Variants in SP1 observed in about 807,000 individuals in gnomAD.
SP1 encodes the protein transcription factor Sp1.
A neutral mutation model predicts 66.3 loss-of-function variants in SP1; 6 were observed. The ratio of observed to expected loss-of-function variants is 0.09; its 90% CI spans 0.05 to 0.18. SP1 has a LOEUF of 0.18. Among genes scored for constraint, SP1 ranks in the 10% least tolerant of loss-of-function variants. SP1 has a pLI of 1.00. For synonymous variants in SP1, 417 were observed against 360.8 expected, an observed-to-expected ratio of 1.16 and a Z score of -1.77; for missense variants, 848 against 964.5, an observed-to-expected ratio of 0.88 and a Z score of 1.60.
chr12:53,384,031 G>A (rs545686198), intron 3 of SP1, among the ~76,000 whole-genome samples: 162 of 150,548 alleles, frequency 1.1e-3, no homozygotes, highest in East Asian at 2.9e-3. Context: ...GTGCAGTGGC[G>A]CGATCTCGGC....
chr12:53,407,558 G>C (rs1285747999), intron 4 of SP1, among the ~76,000 whole-genome samples: 4 of 150,882 alleles, frequency 2.7e-5, no homozygotes, highest in Non-Finnish European at 4.4e-5. Context: ...TCTCCTGACT[G>C]TGTGATCTGC....
At chr12:53,405,367 G>A (rs968943220) in intron 3 of SP1, among the ~76,000 whole-genome samples, 5 of 152,036 alleles carry the variant, frequency 3.3e-5, no homozygotes, top group Non-Finnish European at 7.4e-5. Context: ...ATTTGTGTAT[G>A]AAAATGTCTC....
At chr12:53,406,850 A>C in intron 4 of SP1, 97 bp downstream of exon 4, 2 of 1,037,846 alleles carry the variant, frequency 1.9e-6, no homozygotes, top group Non-Finnish European at 2.7e-6. Flanking sequence ...TTTGAGACCG[A>C]GTCTGACTCT....
In SP1 at chr12:53,383,589, C is replaced by A. The variant is rs775957193; in HGVS notation, c.1642C>A (p.Gln548Lys). The A allele has an allele frequency of 6.2e-7, 1 of 1,611,926 alleles. No individual in the cohort carries two copies. Among genetic ancestry groups the A allele is most frequent in the Non-Finnish European group, 8.5e-7 (1 of 1,178,946 alleles). Residue 548 changes from glutamine to lysine, a missense_variant, in exon 3 of 6, where the codon CAA becomes AAA. By Grantham distance (53) the Gln-to-Lys change is moderately conservative. This residue lies in a region of SP1 where 606 missense variants were observed against 589.9 expected (regional missense o/e 1.03). Transcript: ENST00000327443. ...TTCAGGAATCCAGGTGCACCCAATTCAAGGCCTGCCGTTGGCTATAGCAAA... is the reference window on the plus strand; with the variant it reads ...TTCAGGAATCCAGGTGCACCCAATTAAAGGCCTGCCGTTGGCTATAGCAAA... ...GTSGIQVHPI[Q>K]GLPLAIANAP...
chr12:53,387,913 G>T (rs1398977922), intron 3 of SP1, among the ~76,000 whole-genome samples: 2 of 152,084 alleles, frequency 1.3e-5, no homozygotes, highest in East Asian at 3.8e-4. Flanking sequence ...GTGAACCTGG[G>T]AGGCAGAGCG....
intron 5 of SP1, among the ~76,000 whole-genome samples, chr12:53,410,445 C>T (rs1196266041): frequency 1.3e-5 from 2 of 152,126 alleles, no homozygotes; most frequent in East Asian, 3.8e-4. Flanking sequence ...CGAGTACTCC[C>T]CAACCTTTAT....
intron 3 of SP1, among the ~76,000 whole-genome samples, chr12:53,391,950 A>C (rs1313831080): frequency 6.6e-6 from 1 of 152,036 alleles, no homozygotes; most frequent in Non-Finnish European, 1.5e-5. Flanking sequence ...TTTTATGGCT[A>C]TCCTGAAAAA....
At chr12:53,385,283 G>A (rs1256630738) in intron 3 of SP1, among the ~76,000 whole-genome samples, 1 of 149,044 alleles carries the variant, frequency 6.7e-6, no homozygotes, top group Admixed American at 6.7e-5. Context: ...GACAGAGCAA[G>A]ACCCTGTCTC....
In SP1 at chr12:53,411,404, C is replaced by G; in HGVS notation, c.*164C>G. The stretch of plus-strand genomic sequence containing the variant: ...TACAAGAGAGGAGATGGGGTCCCGG[C>G]ACCCATCTGTATCATCAGTGCCTCT... On this transcript the variant is annotated 3_prime_UTR_variant, in exon 6 of 6. Coordinates refer to ENST00000327443, the MANE Select transcript of SP1 (RefSeq NM_138473.3). 1.7e-6 allele frequency: 1 copy of G among 584,460 alleles called. No homozygotes were observed. Among genetic ancestry groups the G allele is most frequent in the Non-Finnish European group, 3.0e-6 (1 of 337,668 alleles). The allele number at this position is 584,460 out of a possible 1,614,324, so 36.2% of individuals were successfully genotyped here. A position where few individuals can be genotyped will look rare whatever the true frequency, so the allele number is the denominator to read the frequency against.
intron 3 of SP1, among the ~76,000 whole-genome samples, chr12:53,399,274 G>A (rs1259685282): frequency 5.3e-5 from 8 of 152,052 alleles, no homozygotes; most frequent in South Asian, 2.1e-4. Context: ...TTAGCCTCCC[G>A]AGTAGCTGGG....
At chr12:53,387,847 G>A (rs1050137358) in intron 3 of SP1, among the ~76,000 whole-genome samples, 3 of 151,990 alleles carry the variant, frequency 2.0e-5, no homozygotes, top group South Asian at 2.1e-4. Context: ...TTAGCTGGGC[G>A]TGGTGGTGGG....
chr12:53,397,589 CTT>C (rs764088852), intron 3 of SP1, among the ~76,000 whole-genome samples: 3 of 74,210 alleles, frequency 4.0e-5, no homozygotes, highest in African/African-American at 5.1e-5. Context: ...CTTTTTTTTT[CTT>C]TTTTTTTTTT....
intron 5 of SP1, among the ~76,000 whole-genome samples, chr12:53,410,160 T>G (rs897878669): frequency 6.6e-6 from 1 of 151,036 alleles, no homozygotes; most frequent in Middle Eastern, 3.2e-3. Context: ...TACAAAATAG[T>G]CAAGCGTGCT....
rs1938966142 is a variant in SP1 at position 53,414,940 on chromosome 12, C to A, written c.*3700C>A. The A allele has an allele frequency of 6.6e-6, 1 of 152,570 alleles. No homozygotes were observed. The allele number at this position is 152,570 out of a possible 1,614,324, so 9.5% of individuals were successfully genotyped here. On this transcript the variant is annotated 3_prime_UTR_variant, in exon 6 of 6. Coordinates refer to ENST00000327443, the MANE Select transcript of SP1 (RefSeq NM_138473.3). ...GGAAATAAGGACAGTCTAGCTGCCT[C>A]AAGTGAGGGGCCCTTTGCATAGCTC...
rs71068117 is a variant in SP1 at position 53,391,346 on chromosome 12, C to CTTTTTTTT, written c.1675+7738_1675+7745dup. Among the ~76,000 whole-genome samples, 66 of 97,458 alleles carry CTTTTTTTT rather than the reference C, an allele frequency of 6.8e-4. 2 individuals are homozygous for CTTTTTTTT. The highest frequency in any genetic ancestry group is 1.7e-3 in the African/African-American group (43 of 25,830). The allele number at this position is 97,458 out of a possible 152,430, so 63.9% of individuals were successfully genotyped here. ...AGAACTTTTTTTTTTTAAGTAATGTCTTTTTTTTTTTTTTTTTTTTTGAGA... is the reference window on the plus strand; with the variant it reads ...AGAACTTTTTTTTTTTAAGTAATGTCTTTTTTTTTTTTTTTTTTTTTTTTTTTTTGAGA... On this transcript the variant is annotated intron_variant, in intron 3 of 5. Transcript: ENST00000327443.
At chr12:53,388,857 A>T (rs1433937021) in intron 3 of SP1, among the ~76,000 whole-genome samples, 1 of 151,830 alleles carries the variant, frequency 6.6e-6, no homozygotes, top group Admixed American at 6.6e-5. Flanking sequence ...GCACACGCCT[A>T]TAGTCCCAGC....
intron 3 of SP1, among the ~76,000 whole-genome samples, chr12:53,405,432 G>C (rs1938709671): frequency 6.6e-6 from 1 of 152,116 alleles, no homozygotes; most frequent in Admixed American, 6.6e-5. Flanking sequence ...ACTTTCGAAG[G>C]CCGAGGCGGG....
At chr12:53,398,089 A>G (rs142725396) in intron 3 of SP1, among the ~76,000 whole-genome samples, 9 of 152,286 alleles carry the variant, frequency 5.9e-5, no homozygotes, top group African/African-American at 1.9e-4. Context: ...AATTTAGTGG[A>G]ATTTCTTGAC....
intron 3 of SP1, among the ~76,000 whole-genome samples, chr12:53,387,670 T>G (rs1240085890): frequency 6.6e-6 from 1 of 152,174 alleles, no homozygotes; most frequent in Non-Finnish European, 1.5e-5. Flanking sequence ...AACTAGGGAC[T>G]TGAACAATTC....
Sources: gnomAD v4.1 joint callset for allele counts (sites outside exome capture counted in the v4.1 genomes callset) on GRCh38, gnomAD v4.1.1 for gene constraint, gnomAD v4.1.1 regional missense constraint, MANE v1.5 for transcripts, NCBI Gene and HGNC (gene_info 2026-07-23, HGNC 2026-07-21) for gene names.